The following ZFP28 variants were observed in gnomAD, a reference collection of about 807,000 sequenced individuals.
ZFP28 encodes the protein ZFP28 zinc finger protein.
Under a neutral mutation model 39.5 loss-of-function variants are expected in ZFP28, and 31 were observed. The observed-to-expected ratio is 0.79, with a 90% confidence interval of 0.59 to 1.06. The LOEUF (loss-of-function observed/expected upper bound fraction) is 1.06, where lower values mean the gene tolerates loss of function less well. Among genes scored for constraint, ZFP28 ranks in the 50% least tolerant of loss-of-function variants. The pLI is 0.00. For missense variants in ZFP28, 925 were observed against 1,048.4 expected (o/e 0.88, Z 1.63); for synonymous variants, 400 against 378.6 (o/e 1.06, Z -0.66).
intron 2 of ZFP28, among the ~76,000 whole-genome samples, chr19:56,541,646 T>G (rs2044196111): frequency 6.6e-6 from 1 of 152,136 alleles, no homozygotes; most frequent in African/African-American, 2.4e-5. Context: ...AAAAATCGCC[T>G]TCTCATTTTC....
rs1377251251 is a variant in ZFP28, at chr19:56,547,797, A to G, written c.428-10A>G. ...ACACAGTATGACCAGGTTGTTTTTT[A>G]TGTGTCTAGGACTTTGTGTTTCTAA... On this transcript the variant is annotated splice_polypyrimidine_tract_variant and intron_variant, in intron 3 of 7. Transcript: ENST00000301318. This position sits in a 1 kb window ranked among gnomAD's most constrained non-coding sequence, Gnocchi z 4.6. 2 of 1,613,852 alleles carry G rather than the reference A, an allele frequency of 1.2e-6. No homozygotes were observed. The highest frequency in any genetic ancestry group is 1.7e-6 in the Non-Finnish European group (2 of 1,179,878).
At position 56,550,097 on chromosome 19, in the gene ZFP28, G is replaced by A. The variant is rs1450063629; in HGVS notation, c.718G>A (p.Asp240Asn). 1 of 1,612,772 alleles carries A rather than the reference G, an allele frequency of 6.2e-7. No individual in the cohort carries two copies. The change falls in exon 6 of 8, where the codon GAC (aspartate) becomes AAC (asparagine). Residue 240 changes from aspartate (D) to asparagine (N), a missense_variant. Physicochemically the swap from Asp to Asn is conservative, Grantham distance 23 (BLOSUM62 1). Around this residue, in one of 2 missense-constraint regions of ZFP28, gnomAD observed 556 missense variants for 542.9 expected, o/e 1.02. Transcript: ENST00000301318. ...GGTGACTATCAAAAACCTGGCTGTT[G>A]ACTTCCGCCAGCAGCTACACCCAGC... Reference protein sequence around the residue: ...GLVTIKNLAVDFRQQLHPAQK... With the variant: ...GLVTIKNLAVNFRQQLHPAQK...
chr19:56,547,288 A>G lies in ZFP28; in HGVS notation c.301-220A>G. 1 of 594,722 alleles carries G rather than the reference A, an allele frequency of 1.7e-6. No individual in the cohort carries two copies. Among genetic ancestry groups the G allele is most frequent in the South Asian group, 2.1e-5 (1 of 47,660 alleles). The allele number at this position is 594,722 out of a possible 1,614,324, so 36.8% of individuals were successfully genotyped here. On this transcript the variant is annotated intron_variant, in intron 2 of 7. Coordinates refer to ENST00000301318, the MANE Select transcript of ZFP28 (RefSeq NM_020828.2). The surrounding 1 kb of genome is among the most constrained non-coding windows in gnomAD (Gnocchi z 4.6). ...TATCTCTTCCTGTTTTAATAAGGACACCAGACAGATTGGGTTAGGGCCCCA... is the reference window on the plus strand; with the variant it reads ...TATCTCTTCCTGTTTTAATAAGGACGCCAGACAGATTGGGTTAGGGCCCCA...
intron 5 of ZFP28, among the ~76,000 whole-genome samples, chr19:56,549,494 T>A (rs1489870798): frequency 6.7e-6 from 1 of 149,406 alleles, no homozygotes; most frequent in Non-Finnish European, 1.5e-5. Context: ...TAGCTAACAT[T>A]GTGAAACCCT....
chr19:56,551,808 A>G, intron 7 of ZFP28: 1 of 984,218 alleles, frequency 1.0e-6, no homozygotes, highest in African/African-American at 1.7e-5. Context: ...AATGTCTGTC[A>G]TTTGTACCCA....
chr19:56,550,665 A>C (rs2044292142), intron 7 of ZFP28, 60 bp downstream of exon 7: 1 of 1,609,222 alleles, frequency 6.2e-7, no homozygotes, highest in Non-Finnish European at 8.5e-7. Flanking sequence ...AGCTTTTACC[A>C]AAAAGGCTGC....
At chr19:56,544,975 A>G (rs2044227645) in intron 2 of ZFP28, among the ~76,000 whole-genome samples, 1 of 152,258 alleles carries the variant, frequency 6.6e-6, no homozygotes. Flanking sequence ...AATGCATAGC[A>G]TGATCAACCT....
At position 56,552,671 on chromosome 19, in the gene ZFP28, C is replaced by T. The variant is rs2044315043; in HGVS notation, c.899-1013C>T. 2.6e-5 allele frequency: 4 copies of T among 152,212 alleles called. No individual in the cohort carries two copies. In the South Asian group the frequency reaches 6.2e-4, roughly 24 times the overall value. 9.4% of individuals were successfully genotyped at this position (152,212 alleles called of 1,614,324 possible). A position where few individuals can be genotyped will look rare whatever the true frequency, so the allele number is the denominator to read the frequency against. ...TATAGTAGCTTAACTTGGGAATTAT[C>T]TTCATTTATAGAAGCACGTACTTTG... On this transcript the variant is annotated intron_variant, in intron 7 of 7. Coordinates refer to ENST00000301318, the MANE Select transcript of ZFP28 (RefSeq NM_020828.2).
chr19:56,540,701 T>C (rs2044188234), intron 2 of ZFP28, among the ~76,000 whole-genome samples: 1 of 148,374 alleles, frequency 6.7e-6, no homozygotes, highest in Non-Finnish European at 1.5e-5. Flanking sequence ...CATCTACTCC[T>C]TTCTGCTCTT....
At chr19:56,538,893 C>T (rs1421324253), upstream of ZFP28, 2 of 814,932 alleles carry the variant, frequency 2.5e-6, no homozygotes, top group Admixed American at 4.8e-5. Context: ...CGCGGCGCGG[C>T]CCAGTGGATG....
At chr19:56,549,613 C>A (rs1045946356) in intron 5 of ZFP28, among the ~76,000 whole-genome samples, 5 of 151,840 alleles carry the variant, frequency 3.3e-5, no homozygotes, top group Admixed American at 1.3e-4. Flanking sequence ...GGAGGCGGAG[C>A]TTGCAGTGAG....
In ZFP28 at chr19:56,554,789, A is replaced by C. The variant is rs764819000; in HGVS notation, c.2004A>C (p.Thr668=). 7 of 1,614,172 alleles carry C rather than the reference A, an allele frequency of 4.3e-6. No individual in the cohort carries two copies. Among genetic ancestry groups the C allele is most frequent in the African/African-American group, 1.3e-5 (1 of 75,038 alleles). The change falls in exon 8 of 8, where the codon ACA becomes ACC. Residue 668 remains threonine (T), a synonymous_variant. Transcript: ENST00000301318. This position sits in a 1 kb window ranked among gnomAD's most constrained non-coding sequence, Gnocchi z 6.7. ...TTGCACAGCATCAGAAAACCCATAC[A>C]GGAGAGAAACCATATGAGTGCAAGG... The part of the protein sequence containing the change: ...AHLAQHQKTH[T]GEKPYECKEC...
At chr19:56,539,822 G>A in intron 2 of ZFP28, 106 bp downstream of exon 2, 3 of 1,023,388 alleles carry the variant, frequency 2.9e-6, no homozygotes, top group Non-Finnish European at 4.3e-6. Flanking sequence ...CTGTTTGGGC[G>A]CGGGTTTCTA....
chr19:56,550,978 A>G lies in ZFP28; in HGVS notation c.898+373A>G, dbSNP rs542240169. On this transcript the variant is annotated intron_variant, in intron 7 of 7. Coordinates refer to ENST00000301318, the MANE Select transcript of ZFP28 (RefSeq NM_020828.2). ...CCATTCCTGTGAGAACCACAAATTGAAAGTTATGGGATTGAGCCACTCTGC... is the reference window on the plus strand; with the variant it reads ...CCATTCCTGTGAGAACCACAAATTGGAAGTTATGGGATTGAGCCACTCTGC... The G allele has an allele frequency of 4.9e-5, 66 of 1,356,444 alleles. 1 individual carries two copies. The South Asian group carries it at 1.1e-3, about 22-fold the overall frequency. 84.0% of individuals were successfully genotyped at this position (1,356,444 alleles called of 1,614,324 possible).
intron 2 of ZFP28, chr19:56,546,591 T>G (rs971590396): frequency 6.6e-6 from 1 of 152,354 alleles, no homozygotes; most frequent in East Asian, 1.9e-4. Context: ...TTTTTCATTC[T>G]TATTACATAT....
In ZFP28 at chr19:56,547,689, G is replaced by C; in HGVS notation, c.427+55G>C. 6.3e-7 allele frequency: 1 copy of C among 1,579,436 alleles called. No individual in the cohort carries two copies. ...TCACCCTACCCACGTCCTGGACTAAGAAGCCTTTCATGCCTTTATCACCCA... is the reference window on the plus strand; with the variant it reads ...TCACCCTACCCACGTCCTGGACTAACAAGCCTTTCATGCCTTTATCACCCA... On this transcript the variant is annotated intron_variant, in intron 3 of 7. Transcript: ENST00000301318. This position sits in a 1 kb window ranked among gnomAD's most constrained non-coding sequence, Gnocchi z 4.6.
rs530863868 is a variant in ZFP28 at position 56,547,966 on chromosome 19, C to T, written c.523+64C>T. ...GGTCATAGTTCAGCTGACTCAGACA[C>T]GCAACATCTTCAGCAGACTCTTCCT... On this transcript the variant is annotated intron_variant, in intron 4 of 7. Transcript: ENST00000301318. This position sits in a 1 kb window ranked among gnomAD's most constrained non-coding sequence, Gnocchi z 4.6. 1.5e-5 allele frequency: 23 copies of T among 1,490,638 alleles called. No homozygotes were observed. The African/African-American group carries it at 2.5e-4, about 16-fold the overall frequency. 92.3% of individuals were successfully genotyped at this position (1,490,638 alleles called of 1,614,324 possible).
intron 7 of ZFP28, chr19:56,551,124 A>G (rs1307246389): frequency 1.1e-5 from 11 of 1,022,506 alleles, no homozygotes; most frequent in Non-Finnish European, 1.3e-5. Context: ...TAGAGTTTGC[A>G]GAATTTCAAA....
At position 56,554,659 on chromosome 19, in the gene ZFP28, C is replaced by T; in HGVS notation, c.1874C>T (p.Ser625Phe). Residue 625 changes from serine (S) to phenylalanine (F), a missense_variant, in exon 8 of 8, where the codon TCC becomes TTC. Ser to Phe is a radical substitution (Grantham distance 155, BLOSUM62 -2). Around this residue, in one of 2 missense-constraint regions of ZFP28, gnomAD observed 369 missense variants for 505.5 expected, o/e 0.73. Coordinates refer to ENST00000301318, the MANE Select transcript of ZFP28 (RefSeq NM_020828.2). The surrounding 1 kb of genome is among the most constrained non-coding windows in gnomAD (Gnocchi z 6.7). Reference sequence around the variant, plus strand: ...TTTGAATGTGCGGAGTGTGGAAAATCCTTCAGCATCAGTTCTCAGCTTGCC... The same window carrying T: ...TTTGAATGTGCGGAGTGTGGAAAATTCTTCAGCATCAGTTCTCAGCTTGCC... ...KPFECAECGK[S>F]FSISSQLATH... 1 of 1,613,456 alleles carries T rather than the reference C, an allele frequency of 6.2e-7. No individual in the cohort carries two copies. The highest frequency in any genetic ancestry group is 8.5e-7 in the Non-Finnish European group (1 of 1,179,490).
Sources: gnomAD v4.1 joint callset for allele counts (sites outside exome capture counted in the v4.1 genomes callset) on GRCh38, gnomAD v4.1.1 for gene constraint, gnomAD v4.1.1 regional missense constraint, Gnocchi (gnomAD v3.1) non-coding constraint, MANE v1.5 for transcripts, NCBI Gene and HGNC (gene_info 2026-07-23, HGNC 2026-07-21) for gene names.